HS3ST5: variants seen among roughly 807,000 people sequenced by gnomAD.
HS3ST5 encodes the protein heparan sulfate-glucosamine 3-sulfotransferase 5.
A neutral mutation model predicts 25.4 loss-of-function variants in HS3ST5; 10 were observed. That is an observed-to-expected ratio of 0.39 (90% CI 0.24 to 0.67). HS3ST5 has a LOEUF of 0.67. HS3ST5 is among the 30% of genes least tolerant of loss of function. The pLI is 0.44. For missense variants in HS3ST5, 324 were observed against 420.7 expected (o/e 0.77, Z 2.01); for synonymous variants, 170 against 162.4 (o/e 1.05, Z -0.36).
chr6:114,120,868 G>A (rs1053560627), intron 3 of HS3ST5, among the ~76,000 whole-genome samples: 1 of 152,060 alleles, frequency 6.6e-6, no homozygotes. Context: ...TGAATTCCAC[G>A]AATTAAAAAG....
intron 1 of HS3ST5, among the ~76,000 whole-genome samples, chr6:114,338,675 C>T (rs541627071): frequency 3.9e-4 from 59 of 152,164 alleles, no homozygotes; most frequent in African/African-American, 1.4e-3. Flanking sequence ...AATGAAGTTA[C>T]TAATATCTTG....
chr6:114,189,933 T>G (rs1780417771), intron 2 of HS3ST5, among the ~76,000 whole-genome samples: 1 of 152,140 alleles, frequency 6.6e-6, no homozygotes, highest in South Asian at 2.1e-4. Context: ...TTAGTATCCT[T>G]AGGTTTTTCA....
chr6:114,172,387 G>A (rs1416373358), intron 2 of HS3ST5, among the ~76,000 whole-genome samples: 4 of 152,162 alleles, frequency 2.6e-5, no homozygotes, highest in Non-Finnish European at 4.4e-5. Flanking sequence ...GTATTAGGTA[G>A]TAATCAAAGC....
rs528922550 is a variant in HS3ST5, at chr6:114,222,962, G to C, written c.-145+5623C>G. Among the ~76,000 whole-genome samples, 3 of 151,656 alleles carry C rather than the reference G, an allele frequency of 2.0e-5. No homozygotes were observed. In the East Asian group the frequency reaches 5.8e-4, roughly 29 times the overall value. On this transcript the variant is annotated intron_variant, in intron 2 of 4. Transcript: ENST00000312719. ...AGCAATCTTTACTTTCCTAAACAAG[G>C]AAATTTTGGGCCACGTGGTTGAGAT...
chr6:114,327,403 T>C (rs185971860), intron 1 of HS3ST5, among the ~76,000 whole-genome samples: 55 of 152,312 alleles, frequency 3.6e-4, no homozygotes, highest in African/African-American at 1.3e-3. Context: ...GCTGAACAGT[T>C]TGATGATGCA....
intron 1 of HS3ST5, among the ~76,000 whole-genome samples, chr6:114,244,645 C>T (rs1470510169): frequency 6.6e-6 from 1 of 152,176 alleles, no homozygotes; most frequent in African/African-American, 2.4e-5. Context: ...TTAGTAGCTG[C>T]AGCTGACTAC....
At chr6:114,088,629 T>C (rs1774968580) in intron 3 of HS3ST5, among the ~76,000 whole-genome samples, 1 of 152,146 alleles carries the variant, frequency 6.6e-6, no homozygotes, top group African/African-American at 2.4e-5. Context: ...CCTTCACAAA[T>C]AGCACAGTGA....
chr6:114,092,326 C>A (rs1775161304), intron 3 of HS3ST5, among the ~76,000 whole-genome samples: 1 of 152,150 alleles, frequency 6.6e-6, no homozygotes, highest in African/African-American at 2.4e-5. Context: ...TGAAGCGGGG[C>A]CTTGAAATGC....
At chr6:114,313,061 C>T (rs1228952965) in intron 1 of HS3ST5, among the ~76,000 whole-genome samples, 2 of 90,522 alleles carry the variant, frequency 2.2e-5, no homozygotes, top group Admixed American at 1.2e-4. Context: ...AAAAGATACA[C>T]TAGATACACT....
chr6:114,219,735 G>C (rs943897912), intron 2 of HS3ST5, among the ~76,000 whole-genome samples: 3 of 152,094 alleles, frequency 2.0e-5, no homozygotes, highest in African/African-American at 7.2e-5. Context: ...ATAAGAATCA[G>C]ATGTAGTTTT....
At chr6:114,100,321 C>T (rs910567232) in intron 3 of HS3ST5, among the ~76,000 whole-genome samples, 3 of 152,020 alleles carry the variant, frequency 2.0e-5, no homozygotes, top group South Asian at 2.1e-4. Flanking sequence ...TACCACACCT[C>T]GGTTAAAGAG....
At chr6:114,213,412 G>T (rs6910038) in intron 2 of HS3ST5, among the ~76,000 whole-genome samples, 145,122 of 149,756 alleles carry the variant, frequency 0.97, 70,498 homozygotes, top group East Asian at 1. Context: ...AAAACAGGAA[G>T]GCATGTTCTC....
intron 3 of HS3ST5, among the ~76,000 whole-genome samples, chr6:114,152,399 C>T (rs1229676006): frequency 3.9e-5 from 6 of 152,116 alleles, no homozygotes; most frequent in African/African-American, 1.4e-4. Flanking sequence ...ACACTCCTAC[C>T]TTCTTAACTT....
intron 1 of HS3ST5, among the ~76,000 whole-genome samples, chr6:114,304,750 C>T (rs1775219697): frequency 6.6e-6 from 1 of 151,978 alleles, no homozygotes; most frequent in Non-Finnish European, 1.5e-5. Context: ...TCCAAGCAAA[C>T]AAAAACTGCA....
At chr6:114,068,800 C>T (rs1773617950) in intron 3 of HS3ST5, among the ~76,000 whole-genome samples, 2 of 152,060 alleles carry the variant, frequency 1.3e-5, no homozygotes, top group Non-Finnish European at 2.9e-5. Context: ...TTTAAGCTCC[C>T]CCCATCCACA....
At chr6:114,304,482 T>C (rs553226188) in intron 1 of HS3ST5, among the ~76,000 whole-genome samples, 7 of 152,120 alleles carry the variant, frequency 4.6e-5, no homozygotes, top group Non-Finnish European at 1.0e-4. Context: ...AATACATTTA[T>C]GTAAAATGGA....
chr6:114,140,104 A>T (rs1777828675), intron 3 of HS3ST5, among the ~76,000 whole-genome samples: 1 of 152,232 alleles, frequency 6.6e-6, no homozygotes, highest in Non-Finnish European at 1.5e-5. Flanking sequence ...CTGAGGAAAG[A>T]GTGATTTTCT....
intron 3 of HS3ST5, among the ~76,000 whole-genome samples, chr6:114,166,654 C>T (rs1335383540): frequency 6.6e-6 from 1 of 152,006 alleles, no homozygotes. Context: ...TCACAGTGAA[C>T]CTAGGAATGA....
intron 3 of HS3ST5, among the ~76,000 whole-genome samples, chr6:114,115,656 G>C (rs986148976): frequency 1.3e-5 from 2 of 152,010 alleles, no homozygotes; most frequent in Admixed American, 6.6e-5. Context: ...TATTTCAAAT[G>C]TCCAGAAAGA....
Sources: allele counts gnomAD v4.1 joint callset (sites outside exome capture counted in the v4.1 genomes callset), GRCh38; gene constraint gnomAD v4.1.1; transcripts MANE v1.5; gene names NCBI Gene and HGNC (gene_info 2026-07-23, HGNC 2026-07-21).